The following TRPM2 variants were observed in gnomAD, a reference collection of about 807,000 sequenced individuals.
TRPM2 encodes the protein transient receptor potential cation channel subfamily M member 2.
TRPM2 carries 161 observed loss-of-function variants against 174.0 expected under a neutral mutation model. The observed-to-expected ratio is 0.93, with a 90% CI of 0.81 to 1.05. The LOEUF is 1.05. TRPM2 is among the 50% of genes least tolerant of loss of function. The pLI is 0.00. For missense variants in TRPM2, 2,057 were observed against 2,038.0 expected, an observed-to-expected ratio of 1.01 and a Z score of -0.18; for synonymous variants, 954 against 861.3, an observed-to-expected ratio of 1.11 and a Z score of -1.88.
intron 27 of TRPM2, among the ~76,000 whole-genome samples, chr21:44,429,813 A>T (rs557725903): frequency 6.6e-6 from 1 of 152,176 alleles, no homozygotes; most frequent in Admixed American, 6.5e-5. Flanking sequence ...GTGCTGGGTA[A>T]ATTCTTCAGT....
intron 3 of TRPM2, among the ~76,000 whole-genome samples, chr21:44,365,129 A>AG (rs1322882591): frequency 3.3e-4 from 47 of 142,112 alleles, no homozygotes; most frequent in African/African-American, 1.2e-3. Flanking sequence ...AGCCTTCTGG[A>AG]GGTTCTGAGA....
rs563128428 is a variant in TRPM2, at chr21:44,432,109, G to A, written c.3975-3022G>A. ...GTGACTGTCCCCACGTCTGTCTGGG[G>A]CCAGCCCCCTCACTGTATTAGTTTT... On this transcript the variant is annotated intron_variant, in intron 27 of 31. Transcript: ENST00000397928. This position sits in a 1 kb window ranked among gnomAD's most constrained non-coding sequence, Gnocchi z 4.9. 1.7e-4 allele frequency among the ~76,000 whole-genome samples: 26 copies of A among 152,238 alleles called. No individual in the cohort carries two copies. The highest frequency in any genetic ancestry group is 2.5e-4 in the Non-Finnish European group (17 of 68,050).
At chr21:44,379,802 G>A (rs1418968452) in intron 8 of TRPM2, among the ~76,000 whole-genome samples, 2 of 152,230 alleles carry the variant, frequency 1.3e-5, no homozygotes, top group African/African-American at 4.8e-5. Flanking sequence ...CCCTCCCTGT[G>A]CCTGCTGCTT....
intron 7 of TRPM2, 80 bp from the exon 8 acceptor site, chr21:44,378,917 C>G: frequency 2.0e-6 from 3 of 1,474,408 alleles, no homozygotes; most frequent in Non-Finnish European, 2.8e-6. Flanking sequence ...CCTTAGCTGG[C>G]CTTGGAGAAT....
chr21:44,356,264 T>C (rs1030202291), intron 2 of TRPM2, among the ~76,000 whole-genome samples: 41 of 151,128 alleles, frequency 2.7e-4, no homozygotes, highest in African/African-American at 9.7e-4. Context: ...CTCGCGGCCA[T>C]GGAGGGCTGG....
intron 27 of TRPM2, among the ~76,000 whole-genome samples, chr21:44,434,601 C>A (rs2051162619): frequency 1.3e-5 from 2 of 152,130 alleles, no homozygotes; most frequent in South Asian, 4.1e-4. Flanking sequence ...TCAGGGAGAC[C>A]AGCCTGGCCC....
Position 44,418,519 on chromosome 21 carries a change from A to T in TRPM2, c.3425A>T (p.Gln1142Leu). ...CAGAACCGACAGTTCCAGCAAAAGC[A>T]GCGGCCCGAGCAGAAGATCGAGGAC... ...YLQNRQFQQK[Q>L]RPEQKIEDIS... The change falls in exon 22 of 32, where the codon CAG becomes CTG. Residue 1142 changes from glutamine to leucine, a missense_variant. Gln to Leu is a moderately radical substitution (Grantham distance 113, BLOSUM62 -2). Coordinates refer to ENST00000397928, the MANE Select transcript of TRPM2 (RefSeq NM_003307.4). 6.2e-7 allele frequency: 1 copy of T among 1,614,132 alleles called. No homozygotes were observed. The highest frequency in any genetic ancestry group is 8.5e-7 in the Non-Finnish European group (1 of 1,180,018).
rs1162085077 is a variant in TRPM2 at position 44,395,472 on chromosome 21, C to T, written c.1853C>T (p.Thr618Ile). Residue 618 changes from threonine (T) to isoleucine (I), a missense_variant, in exon 12 of 32, where the codon ACC (threonine) becomes ATC (isoleucine). Coordinates refer to ENST00000397928, the MANE Select transcript of TRPM2 (RefSeq NM_003307.4). ...YKRSSGHVTF[T>I]MDPIRDLLIW... ...CGTTCCTCAGGCCATGTGACCTTCA[C>T]CATGGACCCCATCCGTGACCTTCTC... 1 of 1,613,078 alleles carries T rather than the reference C, an allele frequency of 6.2e-7. No homozygotes were observed. The highest frequency in any genetic ancestry group is 8.5e-7 in the Non-Finnish European group (1 of 1,179,970).
intron 8 of TRPM2, among the ~76,000 whole-genome samples, chr21:44,382,372 TAGAC>T (rs2048907898): frequency 6.6e-6 from 1 of 152,112 alleles, no homozygotes; most frequent in Admixed American, 6.5e-5. Flanking sequence ...GATAAATAAG[TAGAC>T]AGATAGATAG....
rs954951409 is a variant in TRPM2 at position 44,376,793 on chromosome 21, C to T, written c.952+780C>T. 1.3e-5 allele frequency among the ~76,000 whole-genome samples: 2 copies of T among 152,166 alleles called. No individual in the cohort carries two copies. Among genetic ancestry groups the T allele is most frequent in the African/African-American group, 2.4e-5 (1 of 41,436 alleles). On this transcript the variant is annotated intron_variant, in intron 6 of 31. Transcript: ENST00000397928. The surrounding 1 kb of genome is among the most constrained non-coding windows in gnomAD (Gnocchi z 4.2). Reference sequence around the variant, plus strand: ...GTCCCTTGCAGGGTTCCTTGTGCATCGAACTCCCCTGGAGGGTTCCTCACC... The same window carrying T: ...GTCCCTTGCAGGGTTCCTTGTGCATTGAACTCCCCTGGAGGGTTCCTCACC...
intron 8 of TRPM2, among the ~76,000 whole-genome samples, chr21:44,382,064 G>T (rs2048897921): frequency 6.6e-6 from 1 of 152,056 alleles, no homozygotes; most frequent in Admixed American, 6.5e-5. Flanking sequence ...GTTGGTAGGT[G>T]GGTGTGTGTA....
chr21:44,372,435 C>CAGCGAGCCAAGGTTGT (rs2048568957), intron 5 of TRPM2, among the ~76,000 whole-genome samples: 1 of 152,158 alleles, frequency 6.6e-6, no homozygotes, highest in African/African-American at 2.4e-5. Context: ...GCGGAGGTTG[C>CAGCGAGCCAAGGTTGT]AGCGAGCCAA....
At chr21:44,382,884 A>G in intron 9 of TRPM2, 64 bp downstream of exon 9, 1 of 1,439,328 alleles carries the variant, frequency 6.9e-7, no homozygotes, top group Middle Eastern at 2.3e-4. Context: ...GAGGACGCCA[A>G]GTTCTAGTCT....
At chr21:44,351,990 C>T (rs963661194), upstream of TRPM2, among the ~76,000 whole-genome samples, 4 of 152,232 alleles carry the variant, frequency 2.6e-5, no homozygotes, top group African/African-American at 9.6e-5. Flanking sequence ...CTGGGGTCTT[C>T]GTTTCCAGCG....
rs747803133 is a variant in TRPM2, at chr21:44,379,061, C to T, written c.1079C>T (p.Ala360Val). The part of the protein sequence containing the change: ...CVVVEGSGRV[A>V]DVIAQVANLP... Reference sequence around the variant, plus strand: ...GTTGTGGAGGGCTCGGGCCGCGTGGCCGACGTCATTGCCCAGGTGGCCAAC... The same window carrying T: ...GTTGTGGAGGGCTCGGGCCGCGTGGTCGACGTCATTGCCCAGGTGGCCAAC... Residue 360 changes from alanine (A) to valine (V), a missense_variant, in exon 8 of 32, where the codon GCC (alanine) becomes GTC (valine). Physicochemically the swap from Ala to Val is moderately conservative, Grantham distance 64. Transcript: ENST00000397928. 1.6e-5 allele frequency: 26 copies of T among 1,612,034 alleles called. No individual in the cohort carries two copies. Among genetic ancestry groups the T allele is most frequent in the Non-Finnish European group, 2.2e-5 (26 of 1,180,016 alleles).
intron 19 of TRPM2, among the ~76,000 whole-genome samples, chr21:44,408,465 A>G (rs1006391564): frequency 2.0e-5 from 3 of 150,402 alleles, no homozygotes; most frequent in African/African-American, 7.4e-5. Flanking sequence ...CAATTTCTCT[A>G]CCTTCTTGTC....
At chr21:44,400,610 C>T (rs1163924977) in intron 15 of TRPM2, among the ~76,000 whole-genome samples, 17 of 152,236 alleles carry the variant, frequency 1.1e-4, no homozygotes, top group African/African-American at 3.9e-4. Context: ...TGAGCCCGTC[C>T]CTCAGCCACA....
intron 27 of TRPM2, among the ~76,000 whole-genome samples, chr21:44,428,597 G>A (rs1440098659): frequency 7.3e-6 from 1 of 136,504 alleles, no homozygotes; most frequent in African/African-American, 2.9e-5. Context: ...CCCCTTAGGT[G>A]TGGCTCCTCC....
chr21:44,413,367 C>G (rs542585634), intron 19 of TRPM2, among the ~76,000 whole-genome samples: 1 of 151,874 alleles, frequency 6.6e-6, no homozygotes, highest in Non-Finnish European at 1.5e-5. Flanking sequence ...CTCAGCCTCC[C>G]GAGTAGCTGG....
Sources: gnomAD v4.1 joint callset for allele counts (sites outside exome capture counted in the v4.1 genomes callset) on GRCh38, gnomAD v4.1.1 for gene constraint, Gnocchi (gnomAD v3.1) non-coding constraint, MANE v1.5 for transcripts, NCBI Gene and HGNC (gene_info 2026-07-23, HGNC 2026-07-21) for gene names.